Variants in NXPH1 observed in about 807,000 individuals in gnomAD.
The protein encoded by NXPH1 is neurexophilin 1.
A neutral mutation model predicts 23.7 loss-of-function variants in NXPH1; 5 were observed. The ratio of observed to expected loss-of-function variants is 0.21; its 90% CI spans 0.11 to 0.44. The LOEUF (loss-of-function observed/expected upper bound fraction) is 0.44. NXPH1 is among the 20% of genes least tolerant of loss of function. The pLI, the probability that NXPH1 is intolerant of heterozygous loss-of-function variation, is 0.99. For synonymous variants in NXPH1, 144 were observed against 122.2 expected (o/e 1.18, Z -1.18); for missense variants, 324 against 321.6 (o/e 1.01, Z -0.06).
At chr7:8,668,935 G>A (rs1037801560) in intron 2 of NXPH1, among the ~76,000 whole-genome samples, 1 of 151,776 alleles carries the variant, frequency 6.6e-6, no homozygotes, top group Non-Finnish European at 1.5e-5. Context: ...TCCAACTGGA[G>A]CATGGGTCCA....
intron 2 of NXPH1, among the ~76,000 whole-genome samples, chr7:8,456,130 T>C (rs1584166567): frequency 6.6e-6 from 1 of 152,292 alleles, no homozygotes. Flanking sequence ...ATGAGAACTC[T>C]AGTCTGATGA....
At chr7:8,572,106 A>T (rs1235825222) in intron 2 of NXPH1, among the ~76,000 whole-genome samples, 1 of 151,860 alleles carries the variant, frequency 6.6e-6, no homozygotes, top group African/African-American at 2.4e-5. Flanking sequence ...AACACAAATA[A>T]TTTTTTAGTA....
At chr7:8,610,342 C>T (rs924843375) in intron 2 of NXPH1, among the ~76,000 whole-genome samples, 6 of 152,168 alleles carry the variant, frequency 3.9e-5, no homozygotes, top group Non-Finnish European at 1.5e-5. Flanking sequence ...GAATTTTATA[C>T]ACCTGTCAAC....
At chr7:8,702,481 C>A (rs539095924) in intron 2 of NXPH1, among the ~76,000 whole-genome samples, 2 of 152,048 alleles carry the variant, frequency 1.3e-5, no homozygotes, top group African/African-American at 2.4e-5. Flanking sequence ...GTTAGCATAT[C>A]CATGGGAGGC....
chr7:8,703,480 A>C (rs1779658445), intron 2 of NXPH1, among the ~76,000 whole-genome samples: 1 of 152,058 alleles, frequency 6.6e-6, no homozygotes, highest in African/African-American at 2.4e-5. Context: ...CACAGAAAAT[A>C]TACTCTGGGA....
At chr7:8,641,316 AC>A (rs1442956405) in intron 2 of NXPH1, among the ~76,000 whole-genome samples, 1 of 152,120 alleles carries the variant, frequency 6.6e-6, no homozygotes, top group Non-Finnish European at 1.5e-5. Flanking sequence ...TGGATTGAAA[AC>A]CCTGGTGTGC....
chr7:8,705,418 C>T (rs1779687008), intron 2 of NXPH1, among the ~76,000 whole-genome samples: 1 of 152,174 alleles, frequency 6.6e-6, no homozygotes, highest in South Asian at 2.1e-4. Flanking sequence ...CTTTTCATCC[C>T]TGCCAGGACG....
intron 2 of NXPH1, among the ~76,000 whole-genome samples, chr7:8,695,025 G>C (rs190356417): frequency 6.6e-6 from 1 of 152,258 alleles, no homozygotes; most frequent in East Asian, 1.9e-4. Flanking sequence ...TATAATTTTG[G>C]ATGTCTGGCA....
intron 2 of NXPH1, among the ~76,000 whole-genome samples, chr7:8,530,155 G>C (rs1236468667): frequency 6.6e-6 from 1 of 152,134 alleles, no homozygotes. Flanking sequence ...GAGCCTGTTG[G>C]AAGTGGACTT....
At chr7:8,670,669 A>G (rs114218133) in intron 2 of NXPH1, among the ~76,000 whole-genome samples, 2,756 of 152,320 alleles carry the variant, frequency 0.018, 84 homozygotes, top group African/African-American at 0.062. Flanking sequence ...TTTACCAGAA[A>G]AAATGTGTTC....
chr7:8,666,031 C>T (rs779017429), intron 2 of NXPH1, among the ~76,000 whole-genome samples: 8 of 102,600 alleles, frequency 7.8e-5, no homozygotes, highest in Non-Finnish European at 1.4e-4. Context: ...CTTCTAGTTC[C>T]CTTTAGTTCT....
intron 2 of NXPH1, among the ~76,000 whole-genome samples, chr7:8,500,693 G>A (rs1478130798): frequency 6.6e-6 from 1 of 152,040 alleles, no homozygotes; most frequent in Non-Finnish European, 1.5e-5. Flanking sequence ...TAGCTTTATG[G>A]CAATAACACT....
chr7:8,750,412 C>T (rs1036716318), intron 2 of NXPH1, among the ~76,000 whole-genome samples: 1 of 152,142 alleles, frequency 6.6e-6, no homozygotes, highest in African/African-American at 2.4e-5. Flanking sequence ...TGTTTTGCCG[C>T]ACCTATTGAC....
chr7:8,514,621 A>T (rs186867075), intron 2 of NXPH1, among the ~76,000 whole-genome samples: 2 of 152,134 alleles, frequency 1.3e-5, no homozygotes, highest in South Asian at 4.1e-4. Context: ...TATAGGGTCT[A>T]TGTTCCAAGT....
intron 2 of NXPH1, among the ~76,000 whole-genome samples, chr7:8,549,664 A>G (rs1416858355): frequency 2.0e-5 from 3 of 151,544 alleles, no homozygotes; most frequent in Non-Finnish European, 3.0e-5. Context: ...AAGAGAGAGT[A>G]CACTGCCTTA....
intron 2 of NXPH1, among the ~76,000 whole-genome samples, chr7:8,560,406 TTTG>T (rs1173914917): frequency 6.6e-6 from 1 of 151,736 alleles, no homozygotes; most frequent in Non-Finnish European, 1.5e-5. Context: ...TCTTTATTAT[TTTG>T]TTTGATGTGA....
chr7:8,647,119 T>C (rs570720839), intron 2 of NXPH1, among the ~76,000 whole-genome samples: 45 of 152,190 alleles, frequency 3.0e-4, no homozygotes, highest in African/African-American at 1.0e-3. Flanking sequence ...TTCTGTGAGC[T>C]CAAGAGCCTC....
intron 2 of NXPH1, among the ~76,000 whole-genome samples, chr7:8,542,328 T>C (rs1261588001): frequency 6.6e-6 from 1 of 151,456 alleles, no homozygotes; most frequent in Non-Finnish European, 1.5e-5. Context: ...AGCTTCAAAA[T>C]ACATGAAGCA....
At chr7:8,545,501 G>C (rs1185337439) in intron 2 of NXPH1, among the ~76,000 whole-genome samples, 1 of 151,304 alleles carries the variant, frequency 6.6e-6, no homozygotes, top group East Asian at 2.0e-4. Context: ...ATTTTACTTC[G>C]AGGGCATATG....
Sources: allele counts gnomAD v4.1 joint callset (sites outside exome capture counted in the v4.1 genomes callset), GRCh38; gene constraint gnomAD v4.1.1; transcripts MANE v1.5; gene names NCBI Gene and HGNC (gene_info 2026-07-23, HGNC 2026-07-21).